The following ZNF292 variants were observed in gnomAD, a reference collection of about 807,000 sequenced individuals.
ZNF292 encodes the protein 16 zinc-finger domain protein.
A neutral mutation model predicts 217.9 loss-of-function variants in ZNF292; 26 were observed. The observed-to-expected ratio is 0.12, with a 90% CI of 0.09 to 0.17. The LOEUF (loss-of-function observed/expected upper bound fraction) is 0.17. ZNF292 is among the 10% of genes least tolerant of loss of function. The pLI is 1.00. For synonymous variants in ZNF292, 1,257 were observed against 1,124.1 expected (o/e 1.12, Z -2.37); for missense variants, 2,904 against 3,175.2 (o/e 0.91, Z 2.05).
Position 87,259,644 on chromosome 6 carries a change from GA to G in ZNF292, c.6021del (p.Lys2007AsnfsTer3). The G allele has an allele frequency of 6.3e-7, 1 of 1,585,868 alleles. No individual in the cohort carries two copies. The highest frequency in any genetic ancestry group is 1.1e-5 in the South Asian group (1 of 87,038). ...TGCCGGCCTCACGAAGTACACAAGT[GA>G]AAAAACAGCTAGCTATGACAGAGGA... ...NVPASRSTQV[K>X]KQLAMTEENK... is the part of the protein sequence containing the mutation. On this transcript the variant is annotated frameshift_variant, in exon 8 of 8. Transcript: ENST00000369577. LOFTEE classifies it high-confidence loss of function.
At chr6:87,176,810 C>T (rs904406277) in intron 1 of ZNF292, among the ~76,000 whole-genome samples, 5 of 152,158 alleles carry the variant, frequency 3.3e-5, no homozygotes, top group African/African-American at 1.2e-4. Flanking sequence ...GATAGGATTT[C>T]CAGGTGTCCA....
chr6:87,257,393 T>C lies in ZNF292; in HGVS notation c.3764T>C (p.Ile1255Thr). Reference sequence around the variant, plus strand: ...ACCAAAACAGTTCTGCCTTTGAATATTGACAGTGGCTCAGATCCTTTCCTT... The same window carrying C: ...ACCAAAACAGTTCTGCCTTTGAATACTGACAGTGGCTCAGATCCTTTCCTT... ...DLTKTVLPLN[I>T]DSGSDPFLPL... The change falls in exon 8 of 8, where the codon ATT becomes ACT. Residue 1255 changes from isoleucine to threonine, a missense_variant. This residue lies in a region of ZNF292 where 687 missense variants were observed against 623.0 expected (regional missense o/e 1.10). Transcript: ENST00000369577. 1.2e-6 allele frequency: 2 copies of C among 1,613,686 alleles called. No individual in the cohort carries two copies. Among genetic ancestry groups the C allele is most frequent in the Non-Finnish European group, 1.7e-6 (2 of 1,179,770 alleles).
rs775370324 is a variant in ZNF292, at chr6:87,256,816, T to C, written c.3187T>C (p.Leu1063=). The change falls in exon 8 of 8, where the codon TTA becomes CTA. Residue 1063 remains leucine (L), a synonymous_variant. Coordinates refer to ENST00000369577, the MANE Select transcript of ZNF292 (RefSeq NM_015021.3). ...NVKTSSNLYN[L]PLKTLESIAF... The stretch of plus-strand genomic sequence containing the variant: ...TAAAACATCATCCAATCTTTATAAT[T>C]TACCTCTTAAGACATTAGAAAGTAT... The C allele has an allele frequency of 2.5e-6, 4 of 1,613,624 alleles. No individual in the cohort carries two copies. The highest frequency in any genetic ancestry group is 1.7e-5 in the Admixed American group (1 of 59,998).
At chr6:87,156,032 C>T (rs1469283247) in intron 1 of ZNF292, among the ~76,000 whole-genome samples, 3 of 152,264 alleles carry the variant, frequency 2.0e-5, no homozygotes, top group South Asian at 2.1e-4. Context: ...TGCGCGGTCC[C>T]CGCGGCTGAG....
intron 1 of ZNF292, among the ~76,000 whole-genome samples, chr6:87,197,327 T>G (rs747379126): frequency 1.3e-5 from 2 of 152,138 alleles, no homozygotes; most frequent in Non-Finnish European, 2.9e-5. Flanking sequence ...AGCAGAAAAT[T>G]TAGTATTTCA....
chr6:87,207,508 A>C (rs1234478367), intron 1 of ZNF292, among the ~76,000 whole-genome samples: 2 of 152,172 alleles, frequency 1.3e-5, no homozygotes, highest in African/African-American at 4.8e-5. Flanking sequence ...CGTTTTATTC[A>C]AAGAATGTGG....
chr6:87,248,159 C>T (rs1012552304), intron 7 of ZNF292, among the ~76,000 whole-genome samples: 1 of 152,116 alleles, frequency 6.6e-6, no homozygotes, highest in Non-Finnish European at 1.5e-5. Context: ...TGAGATGCAG[C>T]ATGATAACAA....
intron 1 of ZNF292, among the ~76,000 whole-genome samples, chr6:87,198,131 T>G (rs1772008174): frequency 6.6e-6 from 1 of 152,144 alleles, no homozygotes; most frequent in African/African-American, 2.4e-5. Flanking sequence ...TGACACCAAT[T>G]AGCTTAAAAT....
At chr6:87,155,871 T>C in intron 1 of ZNF292, 112 bp downstream of exon 1, 1 of 1,331,468 alleles carries the variant, frequency 7.5e-7, no homozygotes, top group Non-Finnish European at 9.9e-7. Flanking sequence ...CATCGGCGCC[T>C]CCGCCTGGGT....
rs117472621 is a variant in ZNF292 at position 87,182,063 on chromosome 6, G to C, written c.168+26304G>C. Among the ~76,000 whole-genome samples, 7 of 152,168 alleles carry C rather than the reference G, an allele frequency of 4.6e-5. No individual in the cohort carries two copies. The East Asian group carries it at 1.4e-3, about 29-fold the overall frequency. On this transcript the variant is annotated intron_variant, in intron 1 of 7. Transcript: ENST00000369577. ...CCTTGTGCTTGAAAACTGAAGATTA[G>C]TACCAGTGCTTCCTCCTCACCCACT... is the stretch of plus-strand genomic sequence containing the variant.
intron 1 of ZNF292, among the ~76,000 whole-genome samples, chr6:87,164,235 C>T (rs948583327): frequency 2.6e-5 from 4 of 152,294 alleles, no homozygotes; most frequent in South Asian, 2.1e-4. Flanking sequence ...GGTTGTCAGA[C>T]AGGCTGGTCT....
intron 1 of ZNF292, among the ~76,000 whole-genome samples, chr6:87,195,077 T>G (rs1483589184): frequency 6.6e-6 from 1 of 152,174 alleles, no homozygotes; most frequent in Non-Finnish European, 1.5e-5. Flanking sequence ...AGGACATAAT[T>G]TTAAATGATA....
intron 7 of ZNF292, among the ~76,000 whole-genome samples, chr6:87,246,457 C>T (rs959903575): frequency 2.6e-5 from 4 of 152,130 alleles, no homozygotes; most frequent in Non-Finnish European, 4.4e-5. Context: ...GAACAGAAAG[C>T]TTGAACTGAT....
chr6:87,259,562 A>C lies in ZNF292; in HGVS notation c.5933A>C (p.Glu1978Ala), dbSNP rs747684367. ...TTGGTGCATCATTTTACAACTGAAG[A>C]AATGGTAAAGTTAAAAATTAAAAGG... ...CQLVHHFTTE[E>A]MVKLKIKRPY... Residue 1978 changes from glutamate to alanine, a missense_variant, in exon 8 of 8, where the codon GAA becomes GCA. Coordinates refer to ENST00000369577, the MANE Select transcript of ZNF292 (RefSeq NM_015021.3). 1 of 1,580,230 alleles carries C rather than the reference A, an allele frequency of 6.3e-7. No individual in the cohort carries two copies. Among genetic ancestry groups the C allele is most frequent in the Non-Finnish European group, 8.6e-7 (1 of 1,161,918 alleles).
intron 1 of ZNF292, among the ~76,000 whole-genome samples, chr6:87,167,344 G>C (rs559981640): frequency 6.6e-6 from 1 of 152,180 alleles, no homozygotes; most frequent in South Asian, 2.1e-4. Flanking sequence ...GCTGACTCTT[G>C]AATCTTCTGT....
intron 7 of ZNF292, among the ~76,000 whole-genome samples, chr6:87,250,810 C>T (rs1298567256): frequency 6.6e-6 from 1 of 152,162 alleles, no homozygotes; most frequent in African/African-American, 2.4e-5. Context: ...ATACTCTTCA[C>T]TAGACTCCTT....
At chr6:87,236,170 C>T (rs1414008025) in intron 5 of ZNF292, among the ~76,000 whole-genome samples, 1 of 152,148 alleles carries the variant, frequency 6.6e-6, no homozygotes, top group Non-Finnish European at 1.5e-5. Flanking sequence ...CATTAATGTA[C>T]GTTACTTGCC....
At chr6:87,249,555 G>A in intron 7 of ZNF292, 1 of 160,792 alleles carries the variant, frequency 6.2e-6, no homozygotes, top group Middle Eastern at 5.1e-4. Context: ...ATCAAGCAGA[G>A]GTTTTATCTT....
Position 87,160,642 on chromosome 6 carries a change from G to GGT in ZNF292, c.168+4896_168+4897dup, listed in dbSNP as rs141577588. On this transcript the variant is annotated intron_variant, in intron 1 of 7. Transcript: ENST00000369577. ...TGTGTGTGTATACATACATGTATAC[G>GGT]GTGTGTGTGTGTGTATATATACATA... Among the ~76,000 whole-genome samples, 475 of 148,660 alleles carry GGT rather than the reference G, an allele frequency of 3.2e-3. 2 individuals are homozygous for GGT. Among genetic ancestry groups the GGT allele is most frequent in the African/African-American group, 9.5e-3 (382 of 40,110 alleles).
Sources: gnomAD v4.1 joint callset for allele counts (sites outside exome capture counted in the v4.1 genomes callset) on GRCh38, gnomAD v4.1.1 for gene constraint, gnomAD v4.1.1 regional missense constraint, MANE v1.5 for transcripts, NCBI Gene and HGNC (gene_info 2026-07-23, HGNC 2026-07-21) for gene names.